Variants in ABI2 observed in about 807,000 individuals in gnomAD.
The protein encoded by ABI2 is abl interactor 2.
In ABI2, 25 loss-of-function variants were observed where a neutral mutation model predicts 59.2. The ratio of observed to expected loss-of-function variants is 0.42; its 90% confidence interval spans 0.31 to 0.59. ABI2 has a LOEUF of 0.59. Among genes scored for constraint, ABI2 ranks in the 20% least tolerant of loss-of-function variants. The pLI, the probability that ABI2 is intolerant of heterozygous loss-of-function variation, is 0.14. For synonymous variants in ABI2, 213 were observed against 235.5 expected (o/e 0.90, Z 0.87); for missense variants, 545 against 681.8 (o/e 0.80, Z 2.23).
At chr2:203,359,332 G>T (rs1322884054) in intron 1 of ABI2, among the ~76,000 whole-genome samples, 1 of 152,018 alleles carries the variant, frequency 6.6e-6, no homozygotes, top group East Asian at 1.9e-4. Flanking sequence ...AATTTTCACT[G>T]ATTACATTTT....
intron 11 of ABI2, among the ~76,000 whole-genome samples, chr2:203,421,930 C>T (rs1035297168): frequency 6.9e-6 from 1 of 145,350 alleles, no homozygotes; most frequent in Non-Finnish European, 1.5e-5. Flanking sequence ...CTCGCCACCG[C>T]ACTCCAGCCT....
rs181865329 is a variant in ABI2, at chr2:203,363,645, C to T, written c.118-3232C>T. Among the ~76,000 whole-genome samples the T allele has an allele frequency of 3.9e-5, 6 of 152,316 alleles. No individual in the cohort carries two copies. In the East Asian group the frequency reaches 1.2e-3, roughly 29 times the overall value. On this transcript the variant is annotated intron_variant, in intron 1 of 11. Coordinates refer to ENST00000261018, the MANE Select transcript of ABI2 (RefSeq NM_001375670.1). ...GTGAGAACATGCGATCTTTCTGTGC[C>T]TGGCTTGTTTCACTTAATATAATGA...
chr2:203,334,814 C>A (rs1191724719), intron 1 of ABI2, among the ~76,000 whole-genome samples: 1 of 152,120 alleles, frequency 6.6e-6, no homozygotes, highest in East Asian at 1.9e-4. Flanking sequence ...GTGCACGCCA[C>A]CACGCCTGGC....
At chr2:203,346,265 CAGAT>C (rs1246429140) in intron 1 of ABI2, among the ~76,000 whole-genome samples, 5 of 152,122 alleles carry the variant, frequency 3.3e-5, no homozygotes, top group East Asian at 1.9e-4. Context: ...ATGTGCAAAC[CAGAT>C]AGATCTACCG....
At chr2:203,337,358 C>T (rs927426190) in intron 1 of ABI2, among the ~76,000 whole-genome samples, 10 of 152,002 alleles carry the variant, frequency 6.6e-5, no homozygotes, top group Admixed American at 6.5e-5. Context: ...TAACTACAAA[C>T]GATCTGAAAA....
intron 10 of ABI2, among the ~76,000 whole-genome samples, chr2:203,411,699 A>G (rs1353705196): frequency 2.0e-5 from 3 of 151,884 alleles, no homozygotes; most frequent in African/African-American, 7.3e-5. Flanking sequence ...TTATCACTGG[A>G]GTTTTATGGG....
chr2:203,372,217 A>G (rs577679000), intron 2 of ABI2, among the ~76,000 whole-genome samples: 7 of 152,134 alleles, frequency 4.6e-5, no homozygotes, highest in Admixed American at 1.3e-4. Flanking sequence ...TGGACACAGC[A>G]CATGTTTCAG....
At chr2:203,411,187 G>A in intron 9 of ABI2, 98 bp from the exon 10 acceptor site, 1 of 946,342 alleles carries the variant, frequency 1.1e-6, no homozygotes, top group South Asian at 1.4e-5. Flanking sequence ...GTGAATAGTA[G>A]TTTCCCTCCT....
intron 4 of ABI2, chr2:203,386,510 C>A (rs1450488984): frequency 1.6e-6 from 1 of 632,198 alleles, no homozygotes; most frequent in Non-Finnish European, 1.9e-6. Context: ...TCTTTTAAAA[C>A]TTAACAAGTT....
intron 1 of ABI2, among the ~76,000 whole-genome samples, chr2:203,343,083 G>A (rs138252101): frequency 4.8e-4 from 73 of 152,314 alleles, no homozygotes; most frequent in African/African-American, 1.7e-3. Context: ...TGCAGATTGG[G>A]AAGTGGAGCC....
rs560270978 is a variant in ABI2 at position 203,353,914 on chromosome 2, C to T, written c.118-12963C>T. ...ACATTTTTACTATGAGATATGGTAA[C>T]TTAGCTTTCTTATATTTCTTCCTAT... On this transcript the variant is annotated intron_variant, in intron 1 of 11. Transcript: ENST00000261018. Among the ~76,000 whole-genome samples the T allele has an allele frequency of 7.9e-5, 12 of 152,266 alleles. No individual in the cohort carries two copies. In the South Asian group the frequency reaches 2.5e-3, roughly 32 times the overall value.
At chr2:203,341,045 A>T (rs1330446358) in intron 1 of ABI2, among the ~76,000 whole-genome samples, 1 of 151,880 alleles carries the variant, frequency 6.6e-6, no homozygotes, top group Non-Finnish European at 1.5e-5. Context: ...GGAGTACTCT[A>T]CTCCAAGATA....
intron 1 of ABI2, among the ~76,000 whole-genome samples, chr2:203,343,361 C>T (rs981682190): frequency 7.2e-5 from 11 of 151,958 alleles, no homozygotes; most frequent in African/African-American, 2.7e-4. Context: ...GACTATGTCT[C>T]AAAAAACATA....
At chr2:203,389,006 T>G (rs1332665464) in intron 4 of ABI2, among the ~76,000 whole-genome samples, 2 of 152,192 alleles carry the variant, frequency 1.3e-5, no homozygotes, top group Non-Finnish European at 2.9e-5. Context: ...GGTTTTATGT[T>G]GTTTAAGGTT....
At chr2:203,381,848 C>G (rs2096150200) in intron 3 of ABI2, among the ~76,000 whole-genome samples, 1 of 152,142 alleles carries the variant, frequency 6.6e-6, no homozygotes. Flanking sequence ...AGGTTTACAT[C>G]CCCCATTCTT....
chr2:203,345,513 C>G (rs1045652301), intron 1 of ABI2, among the ~76,000 whole-genome samples: 1 of 152,118 alleles, frequency 6.6e-6, no homozygotes, highest in Non-Finnish European at 1.5e-5. Flanking sequence ...TGGGTTCAAG[C>G]GATTCTCCTG....
chr2:203,328,905 C>T (rs1460451769), intron 1 of ABI2: 1 of 279,564 alleles, frequency 3.6e-6, no homozygotes, highest in Non-Finnish European at 6.6e-6. Context: ...TCGGCCGCCC[C>T]CGCACTCCGC....
intron 1 of ABI2, among the ~76,000 whole-genome samples, chr2:203,350,063 ACTGT>A (rs1302098075): frequency 1.3e-5 from 2 of 152,030 alleles, no homozygotes; most frequent in African/African-American, 2.4e-5. Context: ...GCATTTGTGG[ACTGT>A]CTCTTTATTT....
intron 1 of ABI2, among the ~76,000 whole-genome samples, chr2:203,359,154 G>C (rs1256474096): frequency 1.3e-5 from 2 of 152,046 alleles, no homozygotes; most frequent in Non-Finnish European, 2.9e-5. Flanking sequence ...GTGGGATGGA[G>C]AGAAGGCATT....
Sources: allele counts gnomAD v4.1 joint callset (sites outside exome capture counted in the v4.1 genomes callset), GRCh38; gene constraint gnomAD v4.1.1; transcripts MANE v1.5; gene names NCBI Gene and HGNC (gene_info 2026-07-23, HGNC 2026-07-21).